Variants in NEBL observed in about 807,000 individuals in gnomAD.
NEBL encodes LIM and SH3 protein 2.
Under a neutral mutation model 140.2 loss-of-function variants are expected in NEBL, and 122 were observed. The observed-to-expected ratio is 0.87, with a 90% CI of 0.75 to 1.01. The LOEUF (loss-of-function observed/expected upper bound fraction) is 1.01. Among genes scored for constraint, NEBL ranks in the 50% least tolerant of loss-of-function variants. The pLI is 0.00. For missense variants in NEBL, 1,365 were observed against 1,231.3 expected (o/e 1.11, Z -1.62); for synonymous variants, 436 against 398.9 (o/e 1.09, Z -1.11).
intron 5 of NEBL, among the ~76,000 whole-genome samples, chr10:20,870,997 A>G (rs559096091): frequency 3.3e-5 from 5 of 152,302 alleles, no homozygotes; most frequent in African/African-American, 9.6e-5. Context: ...AGCTGAAGCA[A>G]TATTTGCCAG....
rs555820602 is a variant in NEBL at position 20,813,122 on chromosome 10, G to T, written c.2347-182C>A. ...AGTTTCTTAGCATCAGAAATCAAGT[G>T]CTGATATTTTCACAAAGTTTTTAAT... is the stretch of plus-strand genomic sequence containing the variant. On this transcript the variant is annotated intron_variant, in intron 23 of 27. Transcript: ENST00000377122. Among the ~76,000 whole-genome samples the T allele has an allele frequency of 1.3e-4, 19 of 151,836 alleles. No homozygotes were observed. In the East Asian group the frequency reaches 3.5e-3, roughly 28 times the overall value.
At chr10:21,177,166 A>C (rs192432255), upstream of NEBL, among the ~76,000 whole-genome samples, 206 of 152,298 alleles carry the variant, frequency 1.4e-3, 1 homozygote, top group African/African-American at 4.6e-3. Context: ...GACATGACAT[A>C]TGTCGTATCT....
chr10:20,808,788 C>T (rs887859265), intron 25 of NEBL, 129 bp from the exon 26 acceptor site: 30 of 983,062 alleles, frequency 3.1e-5, no homozygotes, highest in East Asian at 9.8e-5. Flanking sequence ...AAAATCTCAG[C>T]GCTAGGCACC....
intron 2 of NEBL, among the ~76,000 whole-genome samples, chr10:21,169,328 A>G (rs563949606): frequency 6.5e-4 from 99 of 152,104 alleles, no homozygotes; most frequent in South Asian, 1.7e-3. Flanking sequence ...AGGTACAGAT[A>G]AAATATTGCA....
intron 4 of NEBL, among the ~76,000 whole-genome samples, chr10:20,942,884 A>G (rs1199380523): frequency 6.6e-6 from 1 of 152,236 alleles, no homozygotes; most frequent in Non-Finnish European, 1.5e-5. Flanking sequence ...CAAAACCACA[A>G]TGAGATACCA....
intron 10 of NEBL, among the ~76,000 whole-genome samples, 183 bp from the exon 11 acceptor site, chr10:20,850,685 T>C (rs1186918192): frequency 6.6e-6 from 1 of 152,182 alleles, no homozygotes; most frequent in Non-Finnish European, 1.5e-5. Flanking sequence ...ACAGGTAATA[T>C]AAAATATCTT....
chr10:20,829,256 A>G (rs1840171886), intron 16 of NEBL, among the ~76,000 whole-genome samples: 2 of 152,152 alleles, frequency 1.3e-5, no homozygotes, highest in South Asian at 4.1e-4. Flanking sequence ...CTATGCAGCC[A>G]TAAAAAATGA....
intron 3 of NEBL, among the ~76,000 whole-genome samples, chr10:21,196,802 TG>T (rs1239595121): frequency 6.6e-6 from 1 of 152,222 alleles, no homozygotes; most frequent in African/African-American, 2.4e-5. Flanking sequence ...AACCACTCAT[TG>T]GTATCACTTT....
intron 2 of NEBL, among the ~76,000 whole-genome samples, chr10:21,163,203 C>T (rs6482163): frequency 6.6e-6 from 1 of 151,950 alleles, no homozygotes; most frequent in African/African-American, 2.4e-5. Context: ...GCTAGAAACC[C>T]AGTTTTTTTT....
chr10:20,834,707 C>T (rs1045281061), intron 14 of NEBL, among the ~76,000 whole-genome samples: 4 of 152,204 alleles, frequency 2.6e-5, no homozygotes, highest in African/African-American at 4.8e-5. Context: ...CCTTCACCTG[C>T]ACCCCGATTT....
intron 4 of NEBL, among the ~76,000 whole-genome samples, chr10:20,922,162 A>G (rs1179414991): frequency 6.6e-6 from 1 of 152,170 alleles, no homozygotes; most frequent in Non-Finnish European, 1.5e-5. Context: ...TGCGCTGGAG[A>G]GCAGGCAACC....
intron 9 of NEBL, among the ~76,000 whole-genome samples, chr10:20,856,581 G>A (rs887499138): frequency 2.6e-5 from 4 of 152,090 alleles, no homozygotes; most frequent in Non-Finnish European, 5.9e-5. Flanking sequence ...GCATATCTAT[G>A]AGTCGTGGAG....
chr10:20,800,303 TC>T (rs1401227271), intron 26 of NEBL, among the ~76,000 whole-genome samples: 1 of 152,182 alleles, frequency 6.6e-6, no homozygotes, highest in East Asian at 1.9e-4. Flanking sequence ...TGGCAGGGTC[TC>T]CTTTTTAAAG....
intron 2 of NEBL, among the ~76,000 whole-genome samples, chr10:21,080,981 A>G (rs11012516): frequency 0.034 from 5,223 of 152,132 alleles, 260 homozygotes; most frequent in African/African-American, 0.12. Flanking sequence ...CAGCCTCCCA[A>G]GTAGCTGGGT....
chr10:20,858,850 T>G lies in NEBL; in HGVS notation c.799-506A>C, dbSNP rs143376693. On this transcript the variant is annotated intron_variant, in intron 8 of 27. Transcript: ENST00000377122. ...TAAATTCCTTTATATGTATTAAGTA[T>G]TGAATCTCCACAATAACCTCTTTAT... Among the ~76,000 whole-genome samples, 1,229 of 152,264 alleles carry G rather than the reference T, an allele frequency of 8.1e-3. 8 individuals carry two copies. The highest frequency in any genetic ancestry group is 0.028 in the African/African-American group (1,148 of 41,560).
In NEBL at chr10:20,831,470, T is replaced by C; in HGVS notation, c.1560+3A>G. 6.3e-7 allele frequency: 1 copy of C among 1,598,134 alleles called. No individual in the cohort carries two copies. The highest frequency in any genetic ancestry group is 2.2e-5 in the East Asian group (1 of 44,758). On this transcript the variant is annotated splice_donor_region_variant and intron_variant, in intron 15 of 27. Transcript: ENST00000377122. ...TAAACTTTGTATCTTGCTGCTGTCT[T>C]ACCTGGCTGGCCATCTCGGATGCTT...
chr10:21,283,660 C>T (rs1199514431), intron 1 of NEBL, among the ~76,000 whole-genome samples: 1 of 152,106 alleles, frequency 6.6e-6, no homozygotes, highest in African/African-American at 2.4e-5. Context: ...AATAAGACCC[C>T]TCAATCAAAC....
chr10:20,883,263 C>T (rs1362197056), intron 4 of NEBL, among the ~76,000 whole-genome samples: 1 of 152,200 alleles, frequency 6.6e-6, no homozygotes, highest in Non-Finnish European at 1.5e-5. Context: ...AAGTCTTATT[C>T]AGTCCTGCCC....
chr10:20,978,364 A>C (rs998455293), intron 3 of NEBL, among the ~76,000 whole-genome samples: 2 of 152,270 alleles, frequency 1.3e-5, no homozygotes, highest in South Asian at 4.1e-4. Context: ...CAAGTAATAT[A>C]CAAGGCCATT....
Sources: gnomAD v4.1 joint callset for allele counts (sites outside exome capture counted in the v4.1 genomes callset) on GRCh38, gnomAD v4.1.1 for gene constraint, MANE v1.5 for transcripts, NCBI Gene and HGNC (gene_info 2026-07-23, HGNC 2026-07-21) for gene names.